ZNF496: variants seen among roughly 807,000 people sequenced by gnomAD.
ZNF496 encodes the protein zinc finger protein 496, also known as NSD1 (nuclear receptor binding SET-domain containing 1)-interacting zinc finger protein 1.
In ZNF496, 11 loss-of-function variants were observed where a neutral mutation model predicts 58.9. That is an observed-to-expected ratio of 0.19 (90% confidence interval 0.12 to 0.31). The LOEUF is 0.31. Among genes scored for constraint, ZNF496 ranks in the 10% least tolerant of loss-of-function variants. ZNF496 has a pLI of 1.00. For missense variants in ZNF496, 660 were observed against 783.0 expected (o/e 0.84, Z 1.88); for synonymous variants, 338 against 318.2 (o/e 1.06, Z -0.66).
intron 6 of ZNF496, among the ~76,000 whole-genome samples, chr1:247,315,197 C>T (rs1004209526): frequency 1.3e-5 from 2 of 150,462 alleles, no homozygotes; most frequent in Non-Finnish European, 2.9e-5. Context: ...GTCAATTGTA[C>T]ATATGTATCC....
rs372494630 is a variant in ZNF496, at chr1:247,301,266, G to A, written c.1017C>T (p.Asn339=). 2.0e-6 allele frequency: 3 copies of A among 1,511,304 alleles called. No homozygotes were observed. The highest frequency in any genetic ancestry group is 1.4e-5 in the African/African-American group (1 of 71,706). 93.6% of individuals were successfully genotyped at this position (1,511,304 alleles called of 1,614,324 possible). A position where few individuals can be genotyped will look rare whatever the true frequency, so the allele number is the denominator to read the frequency against. The change falls in exon 10 of 10, where the codon AAC becomes AAT. Residue 339 remains asparagine, a synonymous_variant. Transcript: ENST00000682384. ...CCAGGCTGTTCTCTAGAGATCGCGG[G>A]TTGCCGCCAGCTACAGGAAGGCAAC... ...VPQNTYPAGG[N]PRSLENSLDE... is the part of the protein sequence containing the mutation.
At chr1:247,313,994 T>C (rs1428379510) in intron 6 of ZNF496, 1 of 152,128 alleles carries the variant, frequency 6.6e-6, no homozygotes, top group Admixed American at 6.6e-5. Context: ...AACAGGGAGA[T>C]TTTTTTCATA....
chr1:247,298,015 C>T lies in ZNF496; in HGVS notation c.*2504G>A, dbSNP rs1411947842. 1 of 152,156 alleles carries T rather than the reference C, an allele frequency of 6.6e-6. No homozygotes were observed. The highest frequency in any genetic ancestry group is 2.4e-5 in the African/African-American group (1 of 41,432). The allele number at this position is 152,156 out of a possible 1,614,324, so 9.4% of individuals were successfully genotyped here. On this transcript the variant is annotated 3_prime_UTR_variant, in exon 10 of 10. Transcript: ENST00000682384. ...AGGAAGGTGAATAACCTTCCCAAGA[C>T]CTTAGAGCTACAGAGAGAATCCTCA... is the stretch of plus-strand genomic sequence containing the variant.
intron 9 of ZNF496, chr1:247,307,529 G>C: frequency 1.0e-6 from 1 of 985,404 alleles, no homozygotes; most frequent in Non-Finnish European, 1.2e-6. Context: ...CCAAATGAAT[G>C]CATCACTCTT....
In ZNF496 at chr1:247,308,931, C is replaced by A. The variant is rs1479567112; in HGVS notation, c.893-343G>T. ...CTATAGTCATCACCACAGGCTCCTG[C>A]ACACTCCGCACATCCTGCACAAACA... On this transcript the variant is annotated intron_variant, in intron 8 of 9. Coordinates refer to ENST00000682384, the MANE Select transcript of ZNF496 (RefSeq NM_032752.3). The surrounding 1 kb of genome is among the most constrained non-coding windows in gnomAD (Gnocchi z 4.5). 1.6e-5 allele frequency: 5 copies of A among 316,282 alleles called. No individual in the cohort carries two copies. The highest frequency in any genetic ancestry group is 3.1e-5 in the Non-Finnish European group (5 of 163,146). 19.6% of individuals were successfully genotyped at this position (316,282 alleles called of 1,614,324 possible).
intron 6 of ZNF496, among the ~76,000 whole-genome samples, chr1:247,320,218 A>T (rs56366903): frequency 0.23 from 34,989 of 152,098 alleles, 4,312 homozygotes; most frequent in East Asian, 0.41. Flanking sequence ...ATGACCCCAA[A>T]ACAACCCGGA....
chr1:247,316,198 TGTGTGCGCGC>T, intron 6 of ZNF496, among the ~76,000 whole-genome samples: 1 of 30,820 alleles, frequency 3.2e-5, no homozygotes, highest in South Asian at 9.9e-4. Flanking sequence ...GGGGTGTGTG[TGTGTGCGCGC>T]GCGTGCGCGT....
rs200734529 is a variant in ZNF496, at chr1:247,329,434, G to A, written c.145C>T (p.Arg49Cys). The change falls in exon 4 of 10, where the codon CGC (arginine) becomes TGC (cysteine). Residue 49 changes from arginine to cysteine, a missense_variant. Coordinates refer to ENST00000682384, the MANE Select transcript of ZNF496 (RefSeq NM_032752.3). This position sits in a 1 kb window ranked among gnomAD's most constrained non-coding sequence, Gnocchi z 5.5. ...CGGGGGCCCGCCGCCTCCTGGTAGCGGAAACGGCGGAAGAGACGCCGAGAG... is the reference window on the plus strand; with the variant it reads ...CGGGGGCCCGCCGCCTCCTGGTAGCAGAAACGGCGGAAGAGACGCCGAGAG... ...ESSRRLFRRF[R>C]YQEAAGPREA... 66 of 1,613,122 alleles carry A rather than the reference G, an allele frequency of 4.1e-5. No individual in the cohort carries two copies. In the East Asian group the frequency reaches 1.1e-3, roughly 27 times the overall value.
At chr1:247,303,273 T>C (rs1659304629) in intron 9 of ZNF496, among the ~76,000 whole-genome samples, 1 of 152,204 alleles carries the variant, frequency 6.6e-6, no homozygotes, top group African/African-American at 2.4e-5. Context: ...AGACACCAGC[T>C]CTGCTGAAGC....
intron 6 of ZNF496, chr1:247,311,048 C>T (rs1659584497): frequency 6.6e-6 from 1 of 152,484 alleles, no homozygotes; most frequent in African/African-American, 2.4e-5. Context: ...ACAATTCTAC[C>T]TGACACAAAA....
intron 6 of ZNF496, chr1:247,322,905 G>T: frequency 1.1e-6 from 1 of 871,746 alleles, no homozygotes; most frequent in Non-Finnish European, 1.7e-6. Flanking sequence ...TTTGTTTCCT[G>T]CTATCGTCTG....
Position 247,308,822 on chromosome 1 carries a change from C to T in ZNF496, c.893-234G>A, listed in dbSNP as rs1251628293. On this transcript the variant is annotated intron_variant, in intron 8 of 9. Coordinates refer to ENST00000682384, the MANE Select transcript of ZNF496 (RefSeq NM_032752.3). The surrounding 1 kb of genome is among the most constrained non-coding windows in gnomAD (Gnocchi z 4.5). ...ACGCTAGACAGAATCGACGTAGATC[C>T]GGGTTCTACTCCACCCACTCTATGG... The T allele has an allele frequency of 6.3e-6, 3 of 475,256 alleles. No homozygotes were observed. The highest frequency in any genetic ancestry group is 4.0e-5 in the East Asian group (1 of 24,734). The allele number at this position is 475,256 out of a possible 1,614,324, so 29.4% of individuals were successfully genotyped here.
In ZNF496 at chr1:247,329,886, T is replaced by C. The variant is rs1660262324; in HGVS notation, c.-38+80A>G. ...GGAAATCTGGGAGAAAGTGGTGGCA[T>C]TTCAACGTGACACTGCTGTTTTGAG... On this transcript the variant is annotated intron_variant, in intron 3 of 9. Coordinates refer to ENST00000682384, the MANE Select transcript of ZNF496 (RefSeq NM_032752.3). The surrounding 1 kb of genome is among the most constrained non-coding windows in gnomAD (Gnocchi z 5.5). The C allele has an allele frequency of 3.1e-6, 1 of 321,002 alleles. No homozygotes were observed. Among genetic ancestry groups the C allele is most frequent in the African/African-American group, 2.2e-5 (1 of 46,282 alleles). 19.9% of individuals were successfully genotyped at this position (321,002 alleles called of 1,614,324 possible). A position where few individuals can be genotyped will look rare whatever the true frequency, so the allele number is the denominator to read the frequency against.
At chr1:247,325,570 A>T (rs1263327540) in intron 5 of ZNF496, among the ~76,000 whole-genome samples, 1 of 152,170 alleles carries the variant, frequency 6.6e-6, no homozygotes, top group Admixed American at 6.5e-5. Flanking sequence ...ATTATTTTTC[A>T]TCAACCTCAC....
intron 5 of ZNF496, 72 bp downstream of exon 5, chr1:247,328,611 C>A: frequency 7.1e-7 from 1 of 1,415,562 alleles, no homozygotes; most frequent in Non-Finnish European, 9.3e-7. Flanking sequence ...TTAACAAAAA[C>A]CACACCCAGT....
At chr1:247,324,742 G>A (rs1243075733) in intron 5 of ZNF496, among the ~76,000 whole-genome samples, 1 of 151,070 alleles carries the variant, frequency 6.6e-6, no homozygotes, top group Non-Finnish European at 1.5e-5. Context: ...ATTTTTTTTT[G>A]TCAATTTGAA....
intron 6 of ZNF496, among the ~76,000 whole-genome samples, chr1:247,314,462 A>C (rs189077244): frequency 4.8e-4 from 73 of 152,318 alleles, no homozygotes; most frequent in African/African-American, 1.6e-3. Context: ...ATTTCAATTT[A>C]AAATGATGGT....
At position 247,298,100 on chromosome 1, in the gene ZNF496, T is replaced by A. The variant is rs1459852061; in HGVS notation, c.*2419A>T. On this transcript the variant is annotated 3_prime_UTR_variant, in exon 10 of 10. Transcript: ENST00000682384. ...CGTGTACAGAGAGCCTGGCTTCTAC[T>A]TGGAATTTTCCCCTCCCTTGGCCTT... The A allele has an allele frequency of 6.6e-6, 1 of 152,146 alleles. No homozygotes were observed. Among genetic ancestry groups the A allele is most frequent in the Non-Finnish European group, 1.5e-5 (1 of 68,036 alleles). 9.4% of individuals were successfully genotyped at this position (152,146 alleles called of 1,614,324 possible). A position where few individuals can be genotyped will look rare whatever the true frequency, so the allele number is the denominator to read the frequency against.
intron 5 of ZNF496, among the ~76,000 whole-genome samples, chr1:247,327,636 T>G (rs1285014431): frequency 2.0e-5 from 3 of 152,190 alleles, no homozygotes; most frequent in Non-Finnish European, 4.4e-5. Flanking sequence ...GTCAATATAG[T>G]TTTTCCACAC....
Sources: allele counts gnomAD v4.1 joint callset (sites outside exome capture counted in the v4.1 genomes callset), GRCh38; gene constraint gnomAD v4.1.1; non-coding constraint Gnocchi (gnomAD v3.1); transcripts MANE v1.5; gene names NCBI Gene and HGNC (gene_info 2026-07-23, HGNC 2026-07-21).